The following EPHA5 variants were observed in gnomAD, a reference collection of about 807,000 sequenced individuals.
EPHA5 encodes the protein ephrin type-A receptor 5.
Under a neutral mutation model 105.0 loss-of-function variants are expected in EPHA5, and 60 were observed. That is an observed-to-expected ratio of 0.57 (90% CI 0.46 to 0.71). The LOEUF (loss-of-function observed/expected upper bound fraction) is 0.71. EPHA5 is among the 30% of genes least tolerant of loss of function. EPHA5 has a pLI of 0.00. For synonymous variants in EPHA5, 513 were observed against 449.1 expected (o/e 1.14, Z -1.80); for missense variants, 1,218 against 1,274.7 (o/e 0.96, Z 0.68).
chr4:65,594,535 A>G (rs1742985834), intron 3 of EPHA5, among the ~76,000 whole-genome samples: 1 of 152,222 alleles, frequency 6.6e-6, no homozygotes, highest in Non-Finnish European at 1.5e-5. Flanking sequence ...TAAACTAAAA[A>G]TATATACAAC....
At chr4:65,380,619 A>G (rs1347980011) in intron 8 of EPHA5, among the ~76,000 whole-genome samples, 1 of 151,858 alleles carries the variant, frequency 6.6e-6, no homozygotes, top group Non-Finnish European at 1.5e-5. Flanking sequence ...AAAAGCAAGA[A>G]GAGTAATTTC....
At chr4:65,505,998 T>A (rs1444766210) in intron 3 of EPHA5, among the ~76,000 whole-genome samples, 3 of 152,054 alleles carry the variant, frequency 2.0e-5, no homozygotes, top group Non-Finnish European at 2.9e-5. Context: ...TATCCCTCCC[T>A]GCTCTGCCCA....
chr4:65,364,233 T>C (rs574050058), intron 11 of EPHA5, among the ~76,000 whole-genome samples: 9 of 151,790 alleles, frequency 5.9e-5, no homozygotes, highest in Admixed American at 1.3e-4. Flanking sequence ...CTTTAAGATA[T>C]GGATTTCGGT....
At chr4:65,624,376 A>C (rs1276134431) in intron 2 of EPHA5, among the ~76,000 whole-genome samples, 1 of 152,160 alleles carries the variant, frequency 6.6e-6, no homozygotes, top group Non-Finnish European at 1.5e-5. Context: ...TTAGCCATTC[A>C]CAAATTCACT....
intron 14 of EPHA5, among the ~76,000 whole-genome samples, chr4:65,341,020 C>T (rs1721661055): frequency 6.6e-6 from 1 of 152,112 alleles, no homozygotes; most frequent in Admixed American, 6.5e-5. Context: ...TAGGGACATA[C>T]CTGTGTCACA....
At chr4:65,513,006 A>G (rs1329536411) in intron 3 of EPHA5, among the ~76,000 whole-genome samples, 1 of 152,190 alleles carries the variant, frequency 6.6e-6, no homozygotes, top group Non-Finnish European at 1.5e-5. Context: ...TAAGCATGCC[A>G]TGCAGATTTG....
intron 3 of EPHA5, among the ~76,000 whole-genome samples, chr4:65,574,721 C>CATATATAT (rs1213463466): frequency 1.2e-4 from 8 of 69,478 alleles, no homozygotes; most frequent in African/African-American, 3.4e-4. Context: ...TATATATATA[C>CATATATAT]ATATATATAC....
chr4:65,383,963 T>A lies in EPHA5; in HGVS notation c.1794-16539A>T, dbSNP rs181861642. 3.4e-3 allele frequency among the ~76,000 whole-genome samples: 510 copies of A among 151,730 alleles called. 2 individuals carry two copies. Among genetic ancestry groups the A allele is most frequent in the African/African-American group, 8.0e-3 (331 of 41,232 alleles). On this transcript the variant is annotated intron_variant, in intron 8 of 16. Coordinates refer to ENST00000613740, the MANE Select transcript of EPHA5 (RefSeq NM_001281766.3). Reference sequence around the variant, plus strand: ...ATATTCTGGAAAAATATAATTTTTTTAAAAAGAAAATCTTGCATGTGTATG... The same window carrying A: ...ATATTCTGGAAAAATATAATTTTTTAAAAAAGAAAATCTTGCATGTGTATG...
intron 3 of EPHA5, among the ~76,000 whole-genome samples, chr4:65,540,366 G>T (rs1736697986): frequency 1.3e-5 from 2 of 151,248 alleles, no homozygotes; most frequent in African/African-American, 4.8e-5. Flanking sequence ...TCTGTCACTG[G>T]CAACACTATA....
intron 5 of EPHA5, among the ~76,000 whole-genome samples, chr4:65,440,767 G>A (rs1024880600): frequency 6.6e-6 from 1 of 152,050 alleles, no homozygotes; most frequent in Non-Finnish European, 1.5e-5. Flanking sequence ...GGAAAAGGGA[G>A]AGAAGGAGAA....
At chr4:65,566,302 T>C (rs965284630) in intron 3 of EPHA5, among the ~76,000 whole-genome samples, 3 of 151,784 alleles carry the variant, frequency 2.0e-5, no homozygotes, top group Non-Finnish European at 4.4e-5. Context: ...TTCTCTCTGG[T>C]AGATGTGTAT....
chr4:65,377,119 T>C (rs1012927250), intron 8 of EPHA5: 3 of 1,532,802 alleles, frequency 2.0e-6, no homozygotes, highest in African/African-American at 1.4e-5. Context: ...CCCTCAAATA[T>C]AGCATAAAGA....
chr4:65,631,950 T>A (rs1578636358), intron 2 of EPHA5, among the ~76,000 whole-genome samples: 1 of 151,724 alleles, frequency 6.6e-6, no homozygotes, highest in South Asian at 2.1e-4. Flanking sequence ...CATGTATATC[T>A]CAAAAACCAA....
At position 65,335,809 on chromosome 4, in the gene EPHA5, A is replaced by T. The variant is rs931740132; in HGVS notation, c.2789+123T>A. 4 of 960,066 alleles carry T rather than the reference A, an allele frequency of 4.2e-6. No individual in the cohort carries two copies. The African/African-American group carries it at 5.0e-5, about 12-fold the overall frequency. The allele number at this position is 960,066 out of a possible 1,614,324, so 59.5% of individuals were successfully genotyped here. The stretch of plus-strand genomic sequence containing the variant: ...TAGCATGCAAAAACTATATCCAAAT[A>T]AATTAGTGTCATATAGATTCACAGA... On this transcript the variant is annotated intron_variant, in intron 15 of 16. Coordinates refer to ENST00000613740, the MANE Select transcript of EPHA5 (RefSeq NM_001281766.3).
chr4:65,597,235 A>G (rs1237603331), intron 3 of EPHA5, among the ~76,000 whole-genome samples: 1 of 152,166 alleles, frequency 6.6e-6, no homozygotes, highest in Non-Finnish European at 1.5e-5. Flanking sequence ...ATATAAGTGA[A>G]ACTATAATTA....
Position 65,322,803 on chromosome 4 carries a change from A to G in EPHA5, c.*1311T>C, listed in dbSNP as rs73824282. ...TATCAATTATTGAAATAAAATTCTG[A>G]AGGGAAATAAGCATATATATATATT... On this transcript the variant is annotated 3_prime_UTR_variant, in exon 17 of 17. Coordinates refer to ENST00000613740, the MANE Select transcript of EPHA5 (RefSeq NM_001281766.3). 0.091 allele frequency: 20,659 copies of G among 228,232 alleles called. 1,061 individuals carry two copies. Among genetic ancestry groups the G allele is most frequent in the African/African-American group, 0.11 (4,870 of 45,086 alleles). The allele number at this position is 228,232 out of a possible 1,614,324, so 14.1% of individuals were successfully genotyped here. A position where few individuals can be genotyped will look rare whatever the true frequency, so the allele number is the denominator to read the frequency against.
intron 1 of EPHA5, among the ~76,000 whole-genome samples, chr4:65,654,387 A>G (rs979719314): frequency 2.6e-5 from 4 of 152,032 alleles, no homozygotes; most frequent in African/African-American, 7.2e-5. Flanking sequence ...TCCATAGAAT[A>G]TAACACCTAC....
chr4:65,517,041 T>G (rs1039178388), intron 3 of EPHA5, among the ~76,000 whole-genome samples: 3 of 152,162 alleles, frequency 2.0e-5, no homozygotes, highest in Admixed American at 6.6e-5. Context: ...TTACTTGTTG[T>G]ATCAATTACT....
chr4:65,620,846 G>C (rs1472408265), intron 2 of EPHA5, among the ~76,000 whole-genome samples: 1 of 152,140 alleles, frequency 6.6e-6, no homozygotes, highest in African/African-American at 2.4e-5. Flanking sequence ...TAATGGATTT[G>C]CGTAAATTTC....
Sources: allele counts gnomAD v4.1 joint callset (sites outside exome capture counted in the v4.1 genomes callset), GRCh38; gene constraint gnomAD v4.1.1; transcripts MANE v1.5; gene names NCBI Gene and HGNC (gene_info 2026-07-23, HGNC 2026-07-21).